Variants in ASB5 observed in about 807,000 individuals in gnomAD.
The protein encoded by ASB5 is ankyrin repeat and SOCS box containing 5.
ASB5 carries 45 observed loss-of-function variants against 42.1 expected under a neutral mutation model. The ratio of observed to expected loss-of-function variants is 1.07; its 90% confidence interval spans 0.84 to 1.37. ASB5 has a LOEUF of 1.37. Ranked by LOEUF, ASB5 falls within the 40% of genes most tolerant of loss-of-function variation. The pLI is 0.00. For missense variants in ASB5, 402 were observed against 399.8 expected, an observed-to-expected ratio of 1.01 and a Z score of -0.05; for synonymous variants, 147 against 150.6, an observed-to-expected ratio of 0.98 and a Z score of 0.18.
At chr4:176,256,325 C>T (rs1394861147) in intron 1 of ASB5, among the ~76,000 whole-genome samples, 1 of 152,104 alleles carries the variant, frequency 6.6e-6, no homozygotes, top group Non-Finnish European at 1.5e-5. Context: ...ATAATGGTCT[C>T]ATAGCAAAGA....
intron 1 of ASB5, among the ~76,000 whole-genome samples, chr4:176,228,673 T>C (rs1346475923): frequency 6.6e-6 from 1 of 152,188 alleles, no homozygotes; most frequent in Non-Finnish European, 1.5e-5. Context: ...CAAGGCAGAA[T>C]TGCAATAATG....
chr4:176,244,492 G>A (rs756136432), intron 1 of ASB5, among the ~76,000 whole-genome samples: 2 of 152,098 alleles, frequency 1.3e-5, no homozygotes, highest in African/African-American at 2.4e-5. Context: ...TTAAAAACAC[G>A]ATCTCACATC....
rs904703637 is a variant in ASB5, at chr4:176,262,182, T to G, written c.196+6731A>C. 5.9e-5 allele frequency among the ~76,000 whole-genome samples: 9 copies of G among 152,190 alleles called. No individual in the cohort carries two copies. In the South Asian group the frequency reaches 8.3e-4, roughly 14 times the overall value. On this transcript the variant is annotated intron_variant, in intron 1 of 6. Transcript: ENST00000296525. Reference sequence around the variant, plus strand: ...AGACCTAGTTTTCATTCCTTTTCTATCTTTACTATGTAAAAAATTTTAAAA... The same window carrying G: ...AGACCTAGTTTTCATTCCTTTTCTAGCTTTACTATGTAAAAAATTTTAAAA...
In ASB5 at chr4:176,259,913, C is replaced by T. The variant is rs184256731; in HGVS notation, c.196+9000G>A. Among the ~76,000 whole-genome samples, 11 of 152,190 alleles carry T rather than the reference C, an allele frequency of 7.2e-5. No homozygotes were observed. The East Asian group carries it at 2.1e-3, about 29-fold the overall frequency. On this transcript the variant is annotated intron_variant, in intron 1 of 6. Coordinates refer to ENST00000296525, the MANE Select transcript of ASB5 (RefSeq NM_080874.4). ...CGGTGGCATGGAAATTTTAGCTGCC[C>T]TGATAGAGAGAGGATGCCTTCCTGA...
Position 176,221,210 on chromosome 4 carries a change from G to A in ASB5, c.615C>T (p.Leu205=). The change falls in exon 5 of 7, where the codon CTC becomes CTT. Residue 205 remains leucine, a synonymous_variant. Transcript: ENST00000296525. ...ATTGCTGTGACATACAAGCTACATA[G>A]AGAGGAGTTCCCAAATGAGGAATTT... ...DQEIPHLGTP[L]YVACMSQQFH... 6.2e-7 allele frequency: 1 copy of A among 1,614,132 alleles called. No individual in the cohort carries two copies. The highest frequency in any genetic ancestry group is 8.5e-7 in the Non-Finnish European group (1 of 1,180,010).
chr4:176,257,461 A>C (rs992309465), intron 1 of ASB5, among the ~76,000 whole-genome samples: 1 of 152,182 alleles, frequency 6.6e-6, no homozygotes, highest in African/African-American at 2.4e-5. Context: ...TCCCAACCTT[A>C]ACATTCTGCC....
intron 1 of ASB5, among the ~76,000 whole-genome samples, chr4:176,238,540 C>T (rs528767937): frequency 4.6e-5 from 7 of 152,252 alleles, no homozygotes; most frequent in East Asian, 1.9e-4. Context: ...TCAAGAGCAG[C>T]GACCGAACTA....
intron 1 of ASB5, among the ~76,000 whole-genome samples, chr4:176,260,557 A>C (rs1020534275): frequency 2.0e-5 from 3 of 152,228 alleles, no homozygotes; most frequent in African/African-American, 7.2e-5. Context: ...GGGCATTTCC[A>C]GTCTAAAAAG....
At position 176,268,957 on chromosome 4, in the gene ASB5, G is replaced by A. The variant is rs768368243; in HGVS notation, c.152C>T (p.Ala51Val). 8 of 1,612,764 alleles carry A rather than the reference G, an allele frequency of 5.0e-6. No homozygotes were observed. Among genetic ancestry groups the A allele is most frequent in the East Asian group, 4.5e-5 (2 of 44,814 alleles). The change falls in exon 1 of 7, where the codon GCG becomes GTG. Residue 51 changes from alanine (A) to valine (V), a missense_variant. Transcript: ENST00000296525. ...ATAAAATTCAGCTGCTATCCTTGCC[G>A]CTTCCTTGCGGTTGCCTTTCACTAT... ...FYIVKGNRKE[A>V]ARIAAEFYGV...
chr4:176,228,565 A>G (rs2126952339), intron 1 of ASB5, among the ~76,000 whole-genome samples: 1 of 152,352 alleles, frequency 6.6e-6, no homozygotes, highest in Non-Finnish European at 1.5e-5. Context: ...TTAGTAAGCC[A>G]GACACATAAT....
chr4:176,215,828 G>GTTTT, intron 6 of ASB5, 101 bp from the exon 7 acceptor site: 3 of 1,186,664 alleles, frequency 2.5e-6, no homozygotes, highest in Non-Finnish European at 3.5e-6. Flanking sequence ...ATGCTTTGTA[G>GTTTT]TAAACCTAGG....
At chr4:176,226,070 A>G (rs1240355947) in intron 1 of ASB5, among the ~76,000 whole-genome samples, 3 of 152,238 alleles carry the variant, frequency 2.0e-5, no homozygotes, top group Non-Finnish European at 4.4e-5. Flanking sequence ...TCAGGTGTCA[A>G]CCTGACTGAA....
rs1271039848 is a variant in ASB5, at chr4:176,259,770, G to T, written c.196+9143C>A. Among the ~76,000 whole-genome samples, 4 of 152,170 alleles carry T rather than the reference G, an allele frequency of 2.6e-5. No individual in the cohort carries two copies. In the East Asian group the frequency reaches 7.7e-4, roughly 29 times the overall value. On this transcript the variant is annotated intron_variant, in intron 1 of 6. Coordinates refer to ENST00000296525, the MANE Select transcript of ASB5 (RefSeq NM_080874.4). ...AGCCAGTGCTTCTATTTAAAAACAT[G>T]AATGGCATTTTGGTGTTAAATTTCA... is the stretch of plus-strand genomic sequence containing the variant.
At chr4:176,256,568 A>G (rs1021051147) in intron 1 of ASB5, among the ~76,000 whole-genome samples, 15 of 152,190 alleles carry the variant, frequency 9.9e-5, no homozygotes, top group Non-Finnish European at 4.4e-5. Context: ...ATTTCCAAAT[A>G]TACTCTGCTT....
In ASB5 at chr4:176,214,724, C is replaced by T. The variant is rs928108666; in HGVS notation, c.*876G>A. ...ATCCTTGGACTGATGTGATGATCCC[C>T]GGAATATGATCCAGGGCCTGTTTGT... On this transcript the variant is annotated 3_prime_UTR_variant, in exon 7 of 7. Transcript: ENST00000296525. 8 of 151,978 alleles carry T rather than the reference C, an allele frequency of 5.3e-5. No homozygotes were observed. Among genetic ancestry groups the T allele is most frequent in the Admixed American group, 3.3e-4 (5 of 15,218 alleles). The allele number at this position is 151,978 out of a possible 1,614,324, so 9.4% of individuals were successfully genotyped here. A position where few individuals can be genotyped will look rare whatever the true frequency, so the allele number is the denominator to read the frequency against.
At chr4:176,252,918 T>C (rs1754071440) in intron 1 of ASB5, among the ~76,000 whole-genome samples, 1 of 152,206 alleles carries the variant, frequency 6.6e-6, no homozygotes, top group African/African-American at 2.4e-5. Flanking sequence ...ACCATTACCT[T>C]ATGTAGGGCA....
intron 2 of ASB5, 79 bp from the exon 3 acceptor site, chr4:176,222,499 T>G: frequency 7.9e-7 from 1 of 1,272,848 alleles, no homozygotes; most frequent in East Asian, 2.4e-5. Flanking sequence ...CACTAGAGAG[T>G]GATATATTTT....
intron 1 of ASB5, among the ~76,000 whole-genome samples, chr4:176,239,346 C>T (rs1302955143): frequency 6.6e-6 from 1 of 152,024 alleles, no homozygotes; most frequent in South Asian, 2.1e-4. Flanking sequence ...TATTCTGTAA[C>T]AACAAAAGCT....
chr4:176,256,365 A>G (rs1312627805), intron 1 of ASB5, among the ~76,000 whole-genome samples: 4 of 152,166 alleles, frequency 2.6e-5, no homozygotes, highest in Non-Finnish European at 4.4e-5. Flanking sequence ...TTTGTGTTTT[A>G]TTATTTTCTC....
Sources: allele counts gnomAD v4.1 joint callset (sites outside exome capture counted in the v4.1 genomes callset), GRCh38; gene constraint gnomAD v4.1.1; transcripts MANE v1.5; gene names NCBI Gene and HGNC (gene_info 2026-07-23, HGNC 2026-07-21).